The following SEC22C variants were observed in gnomAD, a reference collection of about 807,000 sequenced individuals.
SEC22C encodes vesicle-trafficking protein SEC22c.
In SEC22C, 29 loss-of-function variants were observed where a neutral mutation model predicts 34.7. The observed-to-expected ratio is 0.84, with a 90% CI of 0.62 to 1.14. The LOEUF is 1.14. Ranked by LOEUF, SEC22C falls within the 50% of genes most tolerant of loss-of-function variation. The probability of loss-of-function intolerance (pLI) is 0.00; values close to 1 mark genes in which losing one functional copy is unlikely to be tolerated. For synonymous variants in SEC22C, 117 were observed against 132.8 expected (o/e 0.88, Z 0.82); for missense variants, 337 against 369.0 (o/e 0.91, Z 0.71).
At chr3:42,586,384 G>A (rs144969298), upstream of SEC22C, among the ~76,000 whole-genome samples, 302 of 152,058 alleles carry the variant, frequency 2.0e-3, no homozygotes, top group African/African-American at 6.9e-3. Flanking sequence ...CACCATGCCT[G>A]GCTAATTTTT....
At chr3:42,578,302 A>G (rs138203045) in intron 1 of SEC22C, among the ~76,000 whole-genome samples, 48 of 152,358 alleles carry the variant, frequency 3.2e-4, no homozygotes, top group African/African-American at 1.0e-3. Flanking sequence ...GCTTGGTTAT[A>G]AAAAGCCCGT....
chr3:42,548,374 G>T lies in SEC22C; in HGVS notation c.*4874C>A. Reference sequence around the variant, plus strand: ...GTTAAAGGTCATATGTACTAAGCATGGGTCAGAGGAATAGAATGGATTTGT... The same window carrying T: ...GTTAAAGGTCATATGTACTAAGCATTGGTCAGAGGAATAGAATGGATTTGT... On this transcript the variant is annotated 3_prime_UTR_variant, in exon 7 of 7. Transcript: ENST00000264454. 1.8e-6 allele frequency: 1 copy of T among 564,956 alleles called. No homozygotes were observed. The allele number at this position is 564,956 out of a possible 1,614,324, so 35.0% of individuals were successfully genotyped here. A position where few individuals can be genotyped will look rare whatever the true frequency, so the allele number is the denominator to read the frequency against.
intron 5 of SEC22C, 21 bp downstream of exon 5, chr3:42,557,557 T>TTTAA: frequency 2.0e-6 from 2 of 1,005,084 alleles, no homozygotes; most frequent in African/African-American, 3.5e-5. Flanking sequence ...TAAACTGTTT[T>TTTAA]AAAAAAAAAA....
intron 6 of SEC22C, 56 bp from the exon 7 acceptor site, chr3:42,553,504 T>A (rs1425753842): frequency 3.8e-6 from 6 of 1,576,120 alleles, no homozygotes; most frequent in Non-Finnish European, 5.2e-6. Flanking sequence ...CACTAGATCA[T>A]ATGCAAAATT....
At chr3:42,600,913 C>T in intron 1 of SEC22C, 1 of 974,762 alleles carries the variant, frequency 1.0e-6, no homozygotes, top group Non-Finnish European at 1.4e-6. Context: ...TCGTCTCAGC[C>T]CCGCCCTCGC....
chr3:42,597,380 C>T (rs996908159), intron 1 of SEC22C, among the ~76,000 whole-genome samples: 1 of 152,082 alleles, frequency 6.6e-6, no homozygotes, highest in African/African-American at 2.4e-5. Context: ...ATGGTGAAAC[C>T]CTGTCTCTAC....
chr3:42,600,211 G>C (rs1705229906), intron 1 of SEC22C, among the ~76,000 whole-genome samples: 2 of 152,278 alleles, frequency 1.3e-5, no homozygotes, highest in South Asian at 4.1e-4. Context: ...TGGTGCCAAA[G>C]CGGGAAGGAA....
chr3:42,600,884 A>G, intron 1 of SEC22C: 1 of 682,672 alleles, frequency 1.5e-6, no homozygotes, highest in Non-Finnish European at 2.2e-6. Context: ...GGCCGGCGTG[A>G]GGCACCGTGG....
Position 42,551,276 on chromosome 3 carries a change from G to A in SEC22C, c.*1972C>T. ...ACCTGCTGGGTATGCAGAAAATTAT[G>A]CAGATGTGAAATCAGTGTAGAGACA... On this transcript the variant is annotated 3_prime_UTR_variant, in exon 7 of 7. Coordinates refer to ENST00000264454, the MANE Select transcript of SEC22C (RefSeq NM_032970.4). 1 of 985,410 alleles carries A rather than the reference G, an allele frequency of 1.0e-6. No individual in the cohort carries two copies. Among genetic ancestry groups the A allele is most frequent in the Non-Finnish European group, 1.2e-6 (1 of 829,934 alleles). The allele number at this position is 985,410 out of a possible 1,614,324, so 61.0% of individuals were successfully genotyped here. A position where few individuals can be genotyped will look rare whatever the true frequency, so the allele number is the denominator to read the frequency against.
At chr3:42,589,936 G>T (rs952781024) in intron 1 of SEC22C, among the ~76,000 whole-genome samples, 1 of 152,190 alleles carries the variant, frequency 6.6e-6, no homozygotes, top group Non-Finnish European at 1.5e-5. Flanking sequence ...CAACACCTTT[G>T]CGGTATGGTG....
chr3:42,552,211 T>C lies in SEC22C; in HGVS notation c.*1037A>G, dbSNP rs1559508493. ...TTAACAGATACTTAACTCTTGTTCATAAAAAATGAGGCCCTCAAGCTAATT... is the reference window on the plus strand; with the variant it reads ...TTAACAGATACTTAACTCTTGTTCACAAAAAATGAGGCCCTCAAGCTAATT... On this transcript the variant is annotated 3_prime_UTR_variant, in exon 7 of 7. Transcript: ENST00000264454. 5 of 985,332 alleles carry C rather than the reference T, an allele frequency of 5.1e-6. No homozygotes were observed. Among genetic ancestry groups the C allele is most frequent in the South Asian group, 9.4e-5 (2 of 21,286 alleles). 61.0% of individuals were successfully genotyped at this position (985,332 alleles called of 1,614,324 possible). A position where few individuals can be genotyped will look rare whatever the true frequency, so the allele number is the denominator to read the frequency against.
At chr3:42,590,771 A>C in intron 1 of SEC22C, 1 of 958,046 alleles carries the variant, frequency 1.0e-6, no homozygotes, top group Non-Finnish European at 1.7e-6. Flanking sequence ...TTGCGCGTCC[A>C]GTCACAAATG....
At chr3:42,574,241 T>C (rs1006280614) in intron 1 of SEC22C, among the ~76,000 whole-genome samples, 2 of 151,854 alleles carry the variant, frequency 1.3e-5, no homozygotes, top group Admixed American at 1.3e-4. Context: ...CCCAGAATCC[T>C]GTATTCAGCA....
intron 1 of SEC22C, among the ~76,000 whole-genome samples, chr3:42,600,125 A>G (rs1379107056): frequency 6.6e-6 from 1 of 152,232 alleles, no homozygotes; most frequent in African/African-American, 2.4e-5. Context: ...AAAAACGGGC[A>G]GAAGACTGGA....
At chr3:42,598,468 C>T (rs576743617) in intron 1 of SEC22C, among the ~76,000 whole-genome samples, 1 of 151,962 alleles carries the variant, frequency 6.6e-6, no homozygotes, top group African/African-American at 2.4e-5. Context: ...GCTGGGATTA[C>T]AGGTGCCTGC....
chr3:42,558,665 G>A (rs1236662205), intron 4 of SEC22C, among the ~76,000 whole-genome samples: 2 of 151,808 alleles, frequency 1.3e-5, no homozygotes, highest in Admixed American at 1.3e-4. Flanking sequence ...GGTGGTATGT[G>A]CCTGTAGTCC....
chr3:42,598,827 G>A (rs931281881), intron 1 of SEC22C, among the ~76,000 whole-genome samples: 6 of 151,306 alleles, frequency 4.0e-5, no homozygotes, highest in Admixed American at 3.3e-4. Context: ...GGTACTGAGG[G>A]TTGTACAACC....
intron 1 of SEC22C, among the ~76,000 whole-genome samples, chr3:42,593,654 C>T (rs1704935884): frequency 6.6e-6 from 1 of 152,084 alleles, no homozygotes; most frequent in Admixed American, 6.5e-5. Flanking sequence ...ACCAGCTCTG[C>T]ACTCACAGAG....
chr3:42,577,021 G>A (rs1704008607), intron 1 of SEC22C, among the ~76,000 whole-genome samples: 1 of 152,004 alleles, frequency 6.6e-6, no homozygotes, highest in Non-Finnish European at 1.5e-5. Flanking sequence ...GTAATTTAAG[G>A]GAGGAAGGGT....
Sources: allele counts gnomAD v4.1 joint callset (sites outside exome capture counted in the v4.1 genomes callset), GRCh38; gene constraint gnomAD v4.1.1; transcripts MANE v1.5; gene names NCBI Gene and HGNC (gene_info 2026-07-23, HGNC 2026-07-21).